The following PRDM16 variants were observed in gnomAD, a reference collection of about 807,000 sequenced individuals.
The protein encoded by PRDM16 is histone-lysine N-methyltransferase PRDM16.
Under a neutral mutation model 110.6 loss-of-function variants are expected in PRDM16, and 23 were observed. The observed-to-expected ratio is 0.21, with a 90% CI of 0.15 to 0.29. PRDM16 has a LOEUF of 0.29. PRDM16 is among the 10% of genes least tolerant of loss of function. PRDM16 has a pLI of 1.00. For synonymous variants in PRDM16, 799 were observed against 781.8 expected, an observed-to-expected ratio of 1.02 and a Z score of -0.37; for missense variants, 1,615 against 1,794.3, an observed-to-expected ratio of 0.90 and a Z score of 1.81.
intron 3 of PRDM16, among the ~76,000 whole-genome samples, chr1:3,324,031 C>G (rs540443926): frequency 1.3e-5 from 2 of 152,190 alleles, no homozygotes; most frequent in Admixed American, 6.5e-5. Context: ...TGCCACCCTC[C>G]CTCCGTCTGG....
rs2100676170 is a variant in PRDM16, at chr1:3,417,940, C to T, written c.2804C>T (p.Pro935Leu). 6.2e-7 allele frequency: 1 copy of T among 1,613,180 alleles called. No homozygotes were observed. The highest frequency in any genetic ancestry group is 1.3e-5 in the African/African-American group (1 of 75,058). Reference sequence around the variant, plus strand: ...CACCACCCCTTCAACTTCCGGTCCCCACCCCCAACGCTCTCCGACCCCATC... The same window carrying T: ...CACCACCCCTTCAACTTCCGGTCCCTACCCCCAACGCTCTCCGACCCCATC... Reference protein sequence around the residue: ...LPHHPFNFRSPPPTLSDPILR... With the variant: ...LPHHPFNFRSLPPTLSDPILR... Residue 935 changes from proline to leucine, a missense_variant, in exon 11 of 17, where the codon CCA (proline) becomes CTA (leucine). By Grantham distance (98) the Pro-to-Leu change is moderately conservative. Transcript: ENST00000270722.
intron 3 of PRDM16, among the ~76,000 whole-genome samples, chr1:3,342,230 A>C (rs907037148): frequency 2.0e-5 from 3 of 152,210 alleles, no homozygotes; most frequent in African/African-American, 7.2e-5. Context: ...GGGAGAATGA[A>C]TGAACATATT....
chr1:3,098,678 T>C (rs1224305424), intron 1 of PRDM16, among the ~76,000 whole-genome samples: 2 of 150,372 alleles, frequency 1.3e-5, no homozygotes, highest in Non-Finnish European at 3.0e-5. Context: ...GGGATAAAAC[T>C]GCTTCTCCTG....
intron 3 of PRDM16, among the ~76,000 whole-genome samples, chr1:3,251,539 T>C (rs1639932463): frequency 6.6e-6 from 1 of 152,134 alleles, no homozygotes; most frequent in Non-Finnish European, 1.5e-5. Context: ...AGTGGTATCA[T>C]GGCACCTGCA....
chr1:3,412,946 T>TGG (rs749817011), intron 9 of PRDM16, 146 bp downstream of exon 9: 11 of 676,260 alleles, frequency 1.6e-5, no homozygotes, highest in African/African-American at 3.8e-5. Flanking sequence ...CCCCTGTTCT[T>TGG]GGGGGGGTCT....
chr1:3,288,799 T>A (rs1011138853), intron 3 of PRDM16, among the ~76,000 whole-genome samples: 3 of 152,044 alleles, frequency 2.0e-5, no homozygotes, highest in African/African-American at 7.2e-5. Flanking sequence ...GGAGCAGACA[T>A]CCCTGGAAGG....
intron 3 of PRDM16, among the ~76,000 whole-genome samples, chr1:3,319,570 A>G (rs570578524): frequency 8.3e-4 from 127 of 152,282 alleles, no homozygotes; most frequent in Non-Finnish European, 1.4e-3. Context: ...CTGTGGATCA[A>G]TATCTCACCA....
At position 3,351,070 on chromosome 1, in the gene PRDM16, G is replaced by A. The variant is rs1011058256; in HGVS notation, c.439-34082G>A. Among the ~76,000 whole-genome samples the A allele has an allele frequency of 3.9e-5, 6 of 152,332 alleles. No homozygotes were observed. In the East Asian group the frequency reaches 5.8e-4, roughly 15 times the overall value. On this transcript the variant is annotated intron_variant, in intron 3 of 16. Coordinates refer to ENST00000270722, the MANE Select transcript of PRDM16 (RefSeq NM_022114.4). Reference sequence around the variant, plus strand: ...GGCACAGACAGGCCAAGAGATCCCCGTGTCCTGGGAATGGCCGCTGGCTCG... The same window carrying A: ...GGCACAGACAGGCCAAGAGATCCCCATGTCCTGGGAATGGCCGCTGGCTCG...
At chr1:3,248,582 T>C (rs962738265) in intron 3 of PRDM16, among the ~76,000 whole-genome samples, 1 of 152,064 alleles carries the variant, frequency 6.6e-6, no homozygotes, top group Non-Finnish European at 1.5e-5. Context: ...GTGCAGAGGC[T>C]TAGAGGAGGG....
chr1:3,389,544 C>T (rs779666152), intron 4 of PRDM16, among the ~76,000 whole-genome samples: 7 of 152,228 alleles, frequency 4.6e-5, no homozygotes, highest in Admixed American at 6.5e-5. Context: ...CAGCCCTCCT[C>T]ATGGCTCATG....
At chr1:3,414,476 G>A in intron 9 of PRDM16, 84 bp from the exon 10 acceptor site, 5 of 1,002,776 alleles carry the variant, frequency 5.0e-6, no homozygotes, top group Middle Eastern at 2.2e-4. Context: ...ATATGGTCAG[G>A]CGGGGTGGGC....
intron 1 of PRDM16, among the ~76,000 whole-genome samples, chr1:3,169,229 T>G (rs1643996444): frequency 6.6e-6 from 1 of 152,174 alleles, no homozygotes; most frequent in South Asian, 2.1e-4. Flanking sequence ...AACCCATGGT[T>G]TGGAACCTCG....
chr1:3,418,879 G>A, intron 12 of PRDM16, 135 bp downstream of exon 12: 1 of 699,324 alleles, frequency 1.4e-6, no homozygotes, highest in African/African-American at 1.8e-5. Context: ...GCCGGGTGCT[G>A]AATTCTGGTC....
intron 3 of PRDM16, among the ~76,000 whole-genome samples, chr1:3,268,078 G>A (rs371839301): frequency 6.6e-6 from 1 of 152,194 alleles, no homozygotes; most frequent in Admixed American, 6.5e-5. Flanking sequence ...CATGACCCCC[G>A]AATCTAACAG....
chr1:3,388,650 C>T (rs1248489268), intron 4 of PRDM16, among the ~76,000 whole-genome samples: 2 of 152,182 alleles, frequency 1.3e-5, no homozygotes, highest in South Asian at 2.1e-4. Context: ...AAACTCAGGT[C>T]GATATTCAGA....
chr1:3,236,484 C>T (rs1014368366), intron 2 of PRDM16, among the ~76,000 whole-genome samples: 1 of 152,216 alleles, frequency 6.6e-6, no homozygotes, highest in African/African-American at 2.4e-5. Flanking sequence ...CCTCACAGGG[C>T]TGCTTGCAGG....
chr1:3,100,758 G>A (rs562216085), intron 1 of PRDM16, among the ~76,000 whole-genome samples: 1 of 152,174 alleles, frequency 6.6e-6, no homozygotes, highest in Non-Finnish European at 1.5e-5. Context: ...CTGTGGGGTG[G>A]AATGTGGGGC....
At chr1:3,287,111 G>A (rs1569996574) in intron 3 of PRDM16, among the ~76,000 whole-genome samples, 1 of 152,214 alleles carries the variant, frequency 6.6e-6, no homozygotes, top group Non-Finnish European at 1.5e-5. Context: ...GTCAGCAGGA[G>A]GCCTGCCCCA....
At chr1:3,198,582 C>T (rs571637489) in intron 2 of PRDM16, among the ~76,000 whole-genome samples, 1 of 152,190 alleles carries the variant, frequency 6.6e-6, no homozygotes, top group East Asian at 1.9e-4. Context: ...TTCCAGGGAG[C>T]TGGCTTGGTG....
Sources: gnomAD v4.1 joint callset for allele counts (sites outside exome capture counted in the v4.1 genomes callset) on GRCh38, gnomAD v4.1.1 for gene constraint, MANE v1.5 for transcripts, NCBI Gene and HGNC (gene_info 2026-07-23, HGNC 2026-07-21) for gene names.